EHBP1: variants seen among roughly 807,000 people sequenced by gnomAD.
The protein encoded by EHBP1 is EH domain binding protein 1.
A neutral mutation model predicts 144.0 loss-of-function variants in EHBP1; 55 were observed. That is an observed-to-expected ratio of 0.38 (90% confidence interval 0.31 to 0.48). The LOEUF is 0.48. Ranked by LOEUF, EHBP1 falls within the 20% of genes least tolerant of loss-of-function variation. The pLI, the probability that EHBP1 is intolerant of heterozygous loss-of-function variation, is 0.98. For synonymous variants in EHBP1, 469 were observed against 472.7 expected (o/e 0.99, Z 0.10); for missense variants, 1,200 against 1,364.2 (o/e 0.88, Z 1.90).
intron 9 of EHBP1, among the ~76,000 whole-genome samples, chr2:62,871,326 G>A (rs2050462676): frequency 6.6e-6 from 1 of 152,060 alleles, no homozygotes; most frequent in Non-Finnish European, 1.5e-5. Flanking sequence ...GTTTCCTTTT[G>A]GCCATTCTTT....
chr2:62,974,192 A>G (rs2058618129), intron 14 of EHBP1, among the ~76,000 whole-genome samples: 2 of 151,970 alleles, frequency 1.3e-5, no homozygotes, highest in Non-Finnish European at 2.9e-5. Context: ...CTACCACAAT[A>G]TACACTTCAG....
intron 10 of EHBP1, among the ~76,000 whole-genome samples, chr2:62,927,682 T>C (rs1007638015): frequency 2.0e-5 from 3 of 152,134 alleles, no homozygotes; most frequent in African/African-American, 7.2e-5. Context: ...GAAACTTCTA[T>C]ACCCCACTCA....
At chr2:62,761,350 T>A (rs999154867) in intron 3 of EHBP1, among the ~76,000 whole-genome samples, 24 of 152,182 alleles carry the variant, frequency 1.6e-4, no homozygotes, top group Non-Finnish European at 2.9e-4. Context: ...TCTCTGTACC[T>A]GAAGTTTTGT....
chr2:63,024,484 C>G (rs2060889450), intron 19 of EHBP1, among the ~76,000 whole-genome samples: 1 of 151,754 alleles, frequency 6.6e-6, no homozygotes, highest in Admixed American at 6.6e-5. Flanking sequence ...TGTTTGTGGT[C>G]CCAGCTACTC....
intron 10 of EHBP1, among the ~76,000 whole-genome samples, chr2:62,920,142 A>T (rs772750777): frequency 3.3e-5 from 5 of 152,188 alleles, no homozygotes; most frequent in Admixed American, 6.5e-5. Context: ...ACAAGTTCCA[A>T]GTAGGATGAA....
At chr2:62,886,472 A>G (rs1032121149) in intron 10 of EHBP1, among the ~76,000 whole-genome samples, 6 of 152,170 alleles carry the variant, frequency 3.9e-5, no homozygotes, top group South Asian at 2.1e-4. Context: ...TACTGAATAA[A>G]TGGTATGCTC....
chr2:62,989,378 T>G (rs900588330), intron 15 of EHBP1, among the ~76,000 whole-genome samples: 2 of 152,086 alleles, frequency 1.3e-5, no homozygotes, highest in Non-Finnish European at 2.9e-5. Context: ...AGTAACAATA[T>G]GTGATGCATA....
At chr2:62,996,151 T>A (rs1035424523) in intron 18 of EHBP1, among the ~76,000 whole-genome samples, 5 of 152,134 alleles carry the variant, frequency 3.3e-5, no homozygotes, top group African/African-American at 1.2e-4. Context: ...TGAAAAAAAA[T>A]GTATCTCTTT....
Position 62,831,071 on chromosome 2 carries a change from A to G in EHBP1, c.547A>G (p.Ile183Val), listed in dbSNP as rs974850727. 3.1e-6 allele frequency: 5 copies of G among 1,612,414 alleles called. No homozygotes were observed. Among genetic ancestry groups the G allele is most frequent in the East Asian group, 2.2e-5 (1 of 44,712 alleles). ...TTTGATGAGTATGAAGCAGGCTGAC[A>G]TTGGCAATTTAGATGACTTCGAAGA... ...ASLMSMKQAD[I>V]GNLDDFEEDN... The change falls in exon 7 of 23, where the codon ATT becomes GTT. Residue 183 changes from isoleucine (I) to valine (V), a missense_variant. Ile to Val is a conservative substitution (Grantham distance 29). Around this residue, in one of 6 missense-constraint regions of EHBP1, gnomAD observed 11 missense variants for 38.6 expected, o/e 0.28. Transcript: ENST00000431489.
At chr2:62,937,886 GC>G (rs2056484448) in intron 10 of EHBP1, among the ~76,000 whole-genome samples, 3 of 152,152 alleles carry the variant, frequency 2.0e-5, no homozygotes, top group Non-Finnish European at 4.4e-5. Context: ...GAGACTTTAA[GC>G]CGTGCTTTAA....
chr2:62,687,641 A>AT (rs1034281802), intron 1 of EHBP1, among the ~76,000 whole-genome samples: 1 of 151,948 alleles, frequency 6.6e-6, no homozygotes, highest in South Asian at 2.1e-4. Context: ...AACTCTCCCA[A>AT]TTTTTTTTGT....
intron 2 of EHBP1, 145 bp from the exon 3 acceptor site, chr2:62,747,250 T>C (rs2039244741): frequency 1.7e-6 from 1 of 590,942 alleles, no homozygotes; most frequent in Non-Finnish European, 2.9e-6. Flanking sequence ...GTAGTTAACA[T>C]CTACTATATT....
chr2:62,814,660 A>G (rs1381017495), intron 5 of EHBP1, among the ~76,000 whole-genome samples: 1 of 152,226 alleles, frequency 6.6e-6, no homozygotes, highest in African/African-American at 2.4e-5. Context: ...GTGATTTATT[A>G]TCAGGTACTT....
intron 5 of EHBP1, among the ~76,000 whole-genome samples, chr2:62,780,855 G>A (rs1023321013): frequency 6.6e-6 from 1 of 152,122 alleles, no homozygotes; most frequent in Non-Finnish European, 1.5e-5. Context: ...TACTATTACA[G>A]TGTTCTTGTT....
At chr2:62,729,346 TATATAATAATAA>T (rs1293626570) in intron 2 of EHBP1, among the ~76,000 whole-genome samples, 1 of 127,038 alleles carries the variant, frequency 7.9e-6, no homozygotes, top group African/African-American at 3.0e-5. Flanking sequence ...ATATATAATA[TATATAATAATAA>T]ATATAATATA....
intron 19 of EHBP1, among the ~76,000 whole-genome samples, chr2:63,016,772 A>T (rs1010530290): frequency 6.6e-6 from 1 of 152,158 alleles, no homozygotes; most frequent in Non-Finnish European, 1.5e-5. Context: ...GTAAAAAAGC[A>T]TATAAGAACA....
chr2:63,013,039 A>C (rs1397846402), intron 19 of EHBP1, among the ~76,000 whole-genome samples: 2 of 152,196 alleles, frequency 1.3e-5, no homozygotes, highest in Non-Finnish European at 2.9e-5. Flanking sequence ...GTAATAACTT[A>C]TTTAAGTCTT....
chr2:62,907,097 A>C (rs1181570989), intron 10 of EHBP1, among the ~76,000 whole-genome samples: 1 of 152,180 alleles, frequency 6.6e-6, no homozygotes, highest in Non-Finnish European at 1.5e-5. Context: ...AATGCTGCAA[A>C]CATTTGTGTA....
At chr2:62,757,419 T>C (rs535250489) in intron 3 of EHBP1, among the ~76,000 whole-genome samples, 3 of 150,486 alleles carry the variant, frequency 2.0e-5, no homozygotes, top group Admixed American at 6.6e-5. Flanking sequence ...TTCTTTCTTT[T>C]TTTTTTCTTT....
Sources: allele counts gnomAD v4.1 joint callset (sites outside exome capture counted in the v4.1 genomes callset), GRCh38; gene constraint gnomAD v4.1.1; regional missense constraint gnomAD v4.1.1; transcripts MANE v1.5; gene names NCBI Gene and HGNC (gene_info 2026-07-23, HGNC 2026-07-21).